Variants in CCDC92 observed in about 807,000 individuals in gnomAD.
CCDC92 encodes the protein coiled-coil domain containing 92.
CCDC92 carries 12 observed loss-of-function variants against 24.9 expected under a neutral mutation model. That is an observed-to-expected ratio of 0.48 (90% CI 0.31 to 0.78). The LOEUF is 0.78. CCDC92 is among the 30% of genes least tolerant of loss of function. The pLI, the probability that CCDC92 is intolerant of heterozygous loss-of-function variation, is 0.05. For missense variants in CCDC92, 399 were observed against 439.4 expected (o/e 0.91, Z 0.82); for synonymous variants, 193 against 196.3 (o/e 0.98, Z 0.14).
chr12:123,955,419 A>G (rs186074176), intron 1 of CCDC92, among the ~76,000 whole-genome samples: 60 of 152,348 alleles, frequency 3.9e-4, no homozygotes, highest in African/African-American at 1.4e-3. Flanking sequence ...TCCTAATGAA[A>G]TAGGAAATAC....
intron 1 of CCDC92, among the ~76,000 whole-genome samples, chr12:123,963,583 A>G (rs1386909980): frequency 1.3e-5 from 2 of 152,200 alleles, no homozygotes; most frequent in Non-Finnish European, 2.9e-5. Context: ...CAAATTGCCT[A>G]AGAATGTAGT....
Position 123,937,524 on chromosome 12 carries a change from T to C in CCDC92, c.530A>G (p.Asp177Gly), listed in dbSNP as rs1302684720. 6.2e-7 allele frequency: 1 copy of C among 1,612,434 alleles called. No individual in the cohort carries two copies. The highest frequency in any genetic ancestry group is 8.5e-7 in the Non-Finnish European group (1 of 1,180,000). ...KKLMSSSGTSDASPSGSPVLA... is the reference protein window; with the variant it reads ...KKLMSSSGTSGASPSGSPVLA... ...CACGGGGCTCCCTGACGGGCTGGCA[T>C]CTGAGGTCCCGCTGGAGCTCATGAG... Residue 177 changes from aspartate (D) to glycine (G), a missense_variant, in exon 5 of 5, where the codon GAT (aspartate) becomes GGT (glycine). Transcript: ENST00000238156. The surrounding 1 kb of genome is among the most constrained non-coding windows in gnomAD (Gnocchi z 8.4).
At position 123,942,758 on chromosome 12, in the gene CCDC92, C is replaced by T. The variant is rs1202205954; in HGVS notation, c.209G>A (p.Ser70Asn). ...TDLTYELTVK[S>N]SEQTGDGTSK... ...GGAGTTCTTACCTGTCTGTTCCGAA[C>T]TTTTGACTGTCAGCTCATATGTTAA... Residue 70 changes from serine (S) to asparagine (N), a missense_variant, in exon 4 of 5, where the codon AGT becomes AAT. Ser to Asn is a conservative substitution (Grantham distance 46). Transcript: ENST00000238156. The T allele has an allele frequency of 1.9e-6, 3 of 1,610,016 alleles. No homozygotes were observed. Among genetic ancestry groups the T allele is most frequent in the Non-Finnish European group, 2.6e-6 (3 of 1,176,276 alleles).
rs1956303662 is a variant in CCDC92, at chr12:123,962,849, GGTTT to G, written c.-60+9676_-60+9679del. The G allele has an allele frequency of 2.8e-5, 4 of 145,176 alleles. 1 individual carries two copies. In the South Asian group the frequency reaches 8.4e-4, roughly 30 times the overall value. The allele number at this position is 145,176 out of a possible 1,614,324, so 9.0% of individuals were successfully genotyped here. ...TGTTTTATGGCTGATGCAAGATATA[GGTTT>G]TTTTTTAAAAAATCTAAAGAACAGA... On this transcript the variant is annotated intron_variant, in intron 1 of 4. Transcript: ENST00000238156.
chr12:123,937,794 C>G lies in CCDC92; in HGVS notation c.260G>C (p.Arg87Thr), dbSNP rs771043483. The G allele has an allele frequency of 1.5e-5, 24 of 1,612,196 alleles. No individual in the cohort carries two copies. Among genetic ancestry groups the G allele is most frequent in the Non-Finnish European group, 8.5e-6 (10 of 1,179,832 alleles). ...GTSKSSELKK[R>T]CEELEAQLKV... Reference sequence around the variant, plus strand: ...CAGTTGGGCTTCCAGCTCTTCACATCTTTTCTTTAATTCACTGCTTTTAGA... The same window carrying G: ...CAGTTGGGCTTCCAGCTCTTCACATGTTTTCTTTAATTCACTGCTTTTAGA... The change falls in exon 5 of 5, where the codon AGA becomes ACA. Residue 87 changes from arginine (R) to threonine (T), a missense_variant. Physicochemically the swap from Arg to Thr is moderately conservative, Grantham distance 71. Coordinates refer to ENST00000238156, the MANE Select transcript of CCDC92 (RefSeq NM_025140.3). The surrounding 1 kb of genome is among the most constrained non-coding windows in gnomAD (Gnocchi z 8.4).
In CCDC92 at chr12:123,944,259, C is replaced by A. The variant is rs1955778937; in HGVS notation, c.34+13G>T. The A allele has an allele frequency of 6.4e-7, 1 of 1,557,054 alleles. No individual in the cohort carries two copies. The highest frequency in any genetic ancestry group is 1.4e-5 in the African/African-American group (1 of 73,284). On this transcript the variant is annotated intron_variant, in intron 2 of 4. Transcript: ENST00000238156. Reference sequence around the variant, plus strand: ...TCCAGCATCTGATGCTCACTCAGGGCCCCAGACTCTACCTTCATCGTAACT... The same window carrying A: ...TCCAGCATCTGATGCTCACTCAGGGACCCAGACTCTACCTTCATCGTAACT...
At chr12:123,939,267 T>C (rs1017128905) in intron 4 of CCDC92, among the ~76,000 whole-genome samples, 3 of 152,124 alleles carry the variant, frequency 2.0e-5, no homozygotes, top group African/African-American at 7.2e-5. Context: ...CTTCTGTCTG[T>C]CTTGCTTTGA....
At position 123,943,412 on chromosome 12, in the gene CCDC92, C is replaced by T. The variant is rs376515224; in HGVS notation, c.116G>A (p.Arg39Gln). The change falls in exon 3 of 5, where the codon CGG becomes CAG. Residue 39 changes from arginine (R) to glutamine (Q), a missense_variant. Physicochemically the swap from Arg to Gln is conservative, Grantham distance 43. Coordinates refer to ENST00000238156, the MANE Select transcript of CCDC92 (RefSeq NM_025140.3). Reference sequence around the variant, plus strand: ...CCCCTTGAGCGTGCTGGCATGCTCCCGCTGAAGGAACAGGAGGTTCTTCTG... The same window carrying T: ...CCCCTTGAGCGTGCTGGCATGCTCCTGCTGAAGGAACAGGAGGTTCTTCTG... ...SAQKNLLFLQ[R>Q]EHASTLKGLH... is the part of the protein sequence containing the mutation. The T allele has an allele frequency of 1.2e-5, 20 of 1,614,124 alleles. No homozygotes were observed. The highest frequency in any genetic ancestry group is 1.6e-4 in the Middle Eastern group (1 of 6,062).
rs965679166 is a variant in CCDC92 at position 123,944,176 on chromosome 12, G to A, written c.34+96C>T. 3.8e-6 allele frequency: 3 copies of A among 797,260 alleles called. No homozygotes were observed. In the African/African-American group the frequency reaches 5.2e-5, roughly 14 times the overall value. The allele number at this position is 797,260 out of a possible 1,614,324, so 49.4% of individuals were successfully genotyped here. On this transcript the variant is annotated intron_variant, in intron 2 of 4. Coordinates refer to ENST00000238156, the MANE Select transcript of CCDC92 (RefSeq NM_025140.3). ...CTGAGAACGTATCTCATGGGGCCAG[G>A]GGGTGGTGCAGGTGTCTGGAGTCTG...
chr12:123,940,834 C>T (rs1212396960), intron 4 of CCDC92, among the ~76,000 whole-genome samples: 2 of 135,404 alleles, frequency 1.5e-5, no homozygotes, highest in Non-Finnish European at 3.3e-5. Context: ...CTATGCTGTA[C>T]CCTGGGTCCC....
chr12:123,959,203 G>C (rs1244886940), intron 1 of CCDC92, among the ~76,000 whole-genome samples: 2 of 152,196 alleles, frequency 1.3e-5, no homozygotes, highest in Non-Finnish European at 2.9e-5. Flanking sequence ...TAGGATGTGG[G>C]GGAAGATTGA....
intron 4 of CCDC92, among the ~76,000 whole-genome samples, chr12:123,938,979 C>G (rs946448696): frequency 6.6e-6 from 1 of 152,168 alleles, no homozygotes; most frequent in Non-Finnish European, 1.5e-5. Context: ...TTGGTCACCC[C>G]CTAAATATTC....
intron 1 of CCDC92, among the ~76,000 whole-genome samples, chr12:123,961,761 G>A (rs750272941): frequency 4.6e-5 from 7 of 152,122 alleles, no homozygotes; most frequent in East Asian, 3.8e-4. Context: ...AGTGCCAGGC[G>A]CCATGCTACG....
At chr12:123,950,597 G>C (rs1031600212) in intron 1 of CCDC92, among the ~76,000 whole-genome samples, 12 of 152,024 alleles carry the variant, frequency 7.9e-5, no homozygotes, top group Non-Finnish European at 1.6e-4. Context: ...CTGGTCCCTG[G>C]GATCCCAGCA....
At chr12:123,959,322 CT>C (rs376350236) in intron 1 of CCDC92, among the ~76,000 whole-genome samples, 11 of 148,836 alleles carry the variant, frequency 7.4e-5, no homozygotes, top group Admixed American at 2.0e-4. Flanking sequence ...GCCAGGCTTG[CT>C]TTTTTTTTTG....
At chr12:123,962,885 T>G (rs1202528050) in intron 1 of CCDC92, 1 of 152,188 alleles carries the variant, frequency 6.6e-6, no homozygotes, top group African/African-American at 2.4e-5. Context: ...CAGATGGAAT[T>G]AGCGTGTAAG....
At chr12:123,947,032 G>A (rs1038165663) in intron 1 of CCDC92, among the ~76,000 whole-genome samples, 2 of 152,174 alleles carry the variant, frequency 1.3e-5, no homozygotes, top group Admixed American at 6.5e-5. Context: ...GGCGGGCCCC[G>A]CACTCAGAGC....
At chr12:123,960,150 C>T (rs1285973252) in intron 1 of CCDC92, among the ~76,000 whole-genome samples, 1 of 152,190 alleles carries the variant, frequency 6.6e-6, no homozygotes, top group Non-Finnish European at 1.5e-5. Flanking sequence ...TTGTTCCCTG[C>T]TATTTCCCAG....
chr12:123,942,644 C>G, intron 4 of CCDC92, 100 bp downstream of exon 4: 1 of 917,972 alleles, frequency 1.1e-6, no homozygotes, highest in Non-Finnish European at 1.8e-6. Context: ...CTCTTCCCAG[C>G]AAGAGCATTT....
Sources: gnomAD v4.1 joint callset for allele counts (sites outside exome capture counted in the v4.1 genomes callset) on GRCh38, gnomAD v4.1.1 for gene constraint, Gnocchi (gnomAD v3.1) non-coding constraint, MANE v1.5 for transcripts, NCBI Gene and HGNC (gene_info 2026-07-23, HGNC 2026-07-21) for gene names.